The following DENND1A variants were observed in gnomAD, a reference collection of about 807,000 sequenced individuals.
The protein encoded by DENND1A is DENN domain containing 1A.
A neutral mutation model predicts 113.7 loss-of-function variants in DENND1A; 51 were observed. That is an observed-to-expected ratio of 0.45 (90% CI 0.36 to 0.57). The LOEUF is 0.57. Among genes scored for constraint, DENND1A ranks in the 20% least tolerant of loss-of-function variants. The pLI is 0.00. For synonymous variants in DENND1A, 565 were observed against 570.8 expected (o/e 0.99, Z 0.14); for missense variants, 1,258 against 1,395.9 (o/e 0.90, Z 1.57).
rs201650242 is a variant in DENND1A at position 123,461,549 on chromosome 9, C to T, written c.994-3652G>A. Among the ~76,000 whole-genome samples the T allele has an allele frequency of 2.6e-5, 4 of 152,160 alleles. No homozygotes were observed. In the East Asian group the frequency reaches 7.7e-4, roughly 29 times the overall value. On this transcript the variant is annotated intron_variant, in intron 13 of 23. Coordinates refer to ENST00000394215, the MANE Select transcript of DENND1A (RefSeq NM_001352964.2). The stretch of plus-strand genomic sequence containing the variant: ...AGGAAATGCTCACTGAAGTGGCTGG[C>T]AGTCACTCCTGGAGCTTTGGCTCAG...
intron 5 of DENND1A, among the ~76,000 whole-genome samples, chr9:123,712,989 G>A (rs2066732361): frequency 6.6e-6 from 1 of 152,196 alleles, no homozygotes; most frequent in Non-Finnish European, 1.5e-5. Flanking sequence ...CTACAAGTAT[G>A]CATAAAACAC....
At chr9:123,447,133 A>G (rs1220500256) in intron 18 of DENND1A, among the ~76,000 whole-genome samples, 1 of 152,222 alleles carries the variant, frequency 6.6e-6, no homozygotes, top group Non-Finnish European at 1.5e-5. Flanking sequence ...GAGACACTCC[A>G]GATGAAAGCA....
chr9:123,665,731 GCATTTGTACGC>G (rs1313346759), intron 8 of DENND1A, among the ~76,000 whole-genome samples: 1 of 152,106 alleles, frequency 6.6e-6, no homozygotes, highest in Non-Finnish European at 1.5e-5. Context: ...ACTCAAACAG[GCATTTGTACGC>G]CAATGTTCAA....
At chr9:123,854,067 C>T (rs1350507055) in intron 2 of DENND1A, among the ~76,000 whole-genome samples, 1 of 152,048 alleles carries the variant, frequency 6.6e-6, no homozygotes, top group Non-Finnish European at 1.5e-5. Context: ...AAAGAGAAAC[C>T]GTGGGTGAAA....
chr9:123,754,831 TTG>T (rs1393616101), intron 5 of DENND1A, among the ~76,000 whole-genome samples: 1 of 152,206 alleles, frequency 6.6e-6, no homozygotes, highest in African/African-American at 2.4e-5. Context: ...AGGACCCTAC[TTG>T]TATAGGCACA....
At chr9:123,891,813 C>T (rs1001781091) in intron 1 of DENND1A, among the ~76,000 whole-genome samples, 11 of 152,192 alleles carry the variant, frequency 7.2e-5, no homozygotes, top group African/African-American at 2.7e-4. Flanking sequence ...TCCATCCATC[C>T]TTCTCTCGAA....
At chr9:123,573,249 G>A (rs189501257) in intron 12 of DENND1A, among the ~76,000 whole-genome samples, 2 of 152,142 alleles carry the variant, frequency 1.3e-5, no homozygotes, top group Non-Finnish European at 2.9e-5. Context: ...TTTCAACATT[G>A]TTTTGGCTAT....
intron 5 of DENND1A, among the ~76,000 whole-genome samples, chr9:123,716,820 G>A (rs1004664807): frequency 2.0e-5 from 3 of 152,110 alleles, no homozygotes; most frequent in African/African-American, 4.8e-5. Context: ...TGAGTATCAC[G>A]TACATGCTTG....
At chr9:123,808,857 C>T (rs1410955097) in intron 2 of DENND1A, among the ~76,000 whole-genome samples, 7 of 152,212 alleles carry the variant, frequency 4.6e-5, no homozygotes, top group Non-Finnish European at 1.0e-4. Flanking sequence ...CCCACACTGG[C>T]AGGTTCAGTG....
chr9:123,725,923 G>A (rs1238415870), intron 5 of DENND1A, among the ~76,000 whole-genome samples: 1 of 152,210 alleles, frequency 6.6e-6, no homozygotes, highest in East Asian at 1.9e-4. Context: ...AACAACAAAA[G>A]AAAAACACGT....
intron 19 of DENND1A, among the ~76,000 whole-genome samples, chr9:123,431,669 C>T (rs1205202179): frequency 2.6e-5 from 4 of 152,232 alleles, no homozygotes; most frequent in African/African-American, 9.6e-5. Context: ...TACAGGTTGG[C>T]TGGAGGGATT....
At chr9:123,464,163 T>C (rs2048753186) in intron 13 of DENND1A, among the ~76,000 whole-genome samples, 1 of 152,180 alleles carries the variant, frequency 6.6e-6, no homozygotes, top group African/African-American at 2.4e-5. Flanking sequence ...GCACTTACTA[T>C]GGTCTAGGCT....
intron 2 of DENND1A, among the ~76,000 whole-genome samples, chr9:123,831,577 G>C (rs1840216512): frequency 6.6e-6 from 1 of 152,196 alleles, no homozygotes; most frequent in African/African-American, 2.4e-5. Flanking sequence ...CATTCAGCTG[G>C]TAGTGGTAAA....
At chr9:123,776,522 A>C (rs966468931) in intron 3 of DENND1A, among the ~76,000 whole-genome samples, 12 of 152,224 alleles carry the variant, frequency 7.9e-5, no homozygotes, top group Non-Finnish European at 1.6e-4. Flanking sequence ...GTACCAAAAA[A>C]TAGATTCAAA....
At chr9:123,682,906 C>T (rs993963961) in intron 5 of DENND1A, among the ~76,000 whole-genome samples, 7 of 152,136 alleles carry the variant, frequency 4.6e-5, no homozygotes, top group Non-Finnish European at 1.0e-4. Flanking sequence ...TTCCTCATAC[C>T]ATGTGGTCAA....
intron 1 of DENND1A, among the ~76,000 whole-genome samples, chr9:123,888,820 C>T (rs373543558): frequency 1.3e-5 from 2 of 152,094 alleles, no homozygotes; most frequent in African/African-American, 4.8e-5. Context: ...TAGGATTAGA[C>T]GTAGTAACAA....
intron 11 of DENND1A, among the ~76,000 whole-genome samples, chr9:123,584,920 A>T (rs559543852): frequency 6.6e-6 from 1 of 152,264 alleles, no homozygotes; most frequent in Admixed American, 6.5e-5. Context: ...CTGCAAAACA[A>T]CCAGTCCCTG....
At chr9:123,443,566 T>C (rs1588555296) in intron 18 of DENND1A, among the ~76,000 whole-genome samples, 1 of 152,194 alleles carries the variant, frequency 6.6e-6, no homozygotes, top group Non-Finnish European at 1.5e-5. Context: ...GGCCACCAAT[T>C]TATTAGCCTC....
intron 3 of DENND1A, among the ~76,000 whole-genome samples, 199 bp from the exon 4 acceptor site, chr9:123,769,762 G>T (rs554392598): frequency 1.8e-4 from 28 of 152,226 alleles, no homozygotes; most frequent in African/African-American, 6.3e-4. Flanking sequence ...CATTAAAAAT[G>T]AAAAATTAAT....
Sources: gnomAD v4.1 joint callset for allele counts (sites outside exome capture counted in the v4.1 genomes callset) on GRCh38, gnomAD v4.1.1 for gene constraint, MANE v1.5 for transcripts, NCBI Gene and HGNC (gene_info 2026-07-23, HGNC 2026-07-21) for gene names.